The following ABCA13 variants were observed in gnomAD, a reference collection of about 807,000 sequenced individuals.
ABCA13 encodes the protein ATP-binding cassette sub-family A member 13.
In ABCA13, 476 loss-of-function variants were observed where a neutral mutation model predicts 478.7. The ratio of observed to expected loss-of-function variants is 0.99; its 90% CI spans 0.92 to 1.07. The LOEUF (loss-of-function observed/expected upper bound fraction) is 1.07, where lower values mean the gene tolerates loss of function less well. Among genes scored for constraint, ABCA13 ranks in the 50% least tolerant of loss-of-function variants. The pLI, the probability that ABCA13 is intolerant of heterozygous loss-of-function variation, is 0.00. For missense variants in ABCA13, 6,060 were observed against 5,910.6 expected (o/e 1.03, Z -0.83); for synonymous variants, 2,252 against 2,158.9 (o/e 1.04, Z -1.20).
chr7:48,590,338 A>C (rs1157364946), intron 57 of ABCA13, among the ~76,000 whole-genome samples: 5 of 152,122 alleles, frequency 3.3e-5, no homozygotes, highest in African/African-American at 1.2e-4. Flanking sequence ...AGGGAGAGAG[A>C]GAGAAAGAGA....
intron 51 of ABCA13, among the ~76,000 whole-genome samples, chr7:48,511,873 A>C (rs1831715346): frequency 6.6e-6 from 1 of 152,208 alleles, no homozygotes; most frequent in South Asian, 2.1e-4. Context: ...GCTATTTTAA[A>C]AGATAAAACA....
At chr7:48,412,623 T>G in intron 41 of ABCA13, 40 bp downstream of exon 41, 1 of 1,498,442 alleles carries the variant, frequency 6.7e-7, no homozygotes. Context: ...TATTTATGCC[T>G]TTTTGACCAG....
intron 48 of ABCA13, among the ~76,000 whole-genome samples, 153 bp from the exon 49 acceptor site, chr7:48,506,183 A>G (rs1831190305): frequency 6.6e-6 from 1 of 152,202 alleles, no homozygotes; most frequent in Non-Finnish European, 1.5e-5. Context: ...TCACAATGGA[A>G]TTTGCCATTT....
intron 37 of ABCA13, among the ~76,000 whole-genome samples, chr7:48,391,314 A>G (rs1371263376): frequency 1.3e-5 from 2 of 152,234 alleles, no homozygotes; most frequent in Non-Finnish European, 2.9e-5. Context: ...TTAAAGTCCC[A>G]TACAACTATA....
At chr7:48,375,547 A>G (rs1403956642) in intron 34 of ABCA13, among the ~76,000 whole-genome samples, 2 of 152,204 alleles carry the variant, frequency 1.3e-5, no homozygotes, top group African/African-American at 4.8e-5. Flanking sequence ...GCTTATATTG[A>G]GAATTTGACA....
intron 27 of ABCA13, among the ~76,000 whole-genome samples, chr7:48,332,956 C>T (rs891784085): frequency 3.3e-5 from 5 of 152,152 alleles, no homozygotes; most frequent in African/African-American, 1.2e-4. Context: ...TGCTAAGCTT[C>T]CTGAGTCTGT....
At chr7:48,177,637 C>T (rs766180906) in intron 1 of ABCA13, among the ~76,000 whole-genome samples, 3 of 152,190 alleles carry the variant, frequency 2.0e-5, no homozygotes, top group Admixed American at 2.0e-4. Context: ...ACATTTCTTG[C>T]GATTAGGCCA....
chr7:48,320,097 A>C (rs1803217617), intron 27 of ABCA13, among the ~76,000 whole-genome samples: 2 of 152,204 alleles, frequency 1.3e-5, no homozygotes, highest in Non-Finnish European at 1.5e-5. Context: ...AGAGTGTTAA[A>C]AGGTAAACTT....
Position 48,273,813 on chromosome 7 carries a change from T to C in ABCA13, c.4147T>C (p.Ser1383Pro). 1 of 1,611,942 alleles carries C rather than the reference T, an allele frequency of 6.2e-7. No individual in the cohort carries two copies. Among genetic ancestry groups the C allele is most frequent in the African/African-American group, 1.3e-5 (1 of 75,034 alleles). ...TCTAGACACGTTAAATTCCACATTT[T>C]CCTCTGAGAACACAATTAGCAGTCT... ...RILDTLNSTF[S>P]SENTISSLKG... is the part of the protein sequence containing the mutation. The change falls in exon 17 of 62, where the codon TCC becomes CCC. Residue 1383 changes from serine (S) to proline (P), a missense_variant. Around this residue, in one of 3 missense-constraint regions of ABCA13, gnomAD observed 4,423 missense variants for 4,309.1 expected, o/e 1.03. Transcript: ENST00000435803.
intron 15 of ABCA13, among the ~76,000 whole-genome samples, chr7:48,260,190 C>T (rs1001506287): frequency 2.6e-5 from 4 of 152,004 alleles, no homozygotes; most frequent in Non-Finnish European, 5.9e-5. Context: ...GACAATCTGA[C>T]TTTTTGAGTT....
intron 16 of ABCA13, among the ~76,000 whole-genome samples, chr7:48,269,925 C>A (rs1004030344): frequency 6.6e-6 from 1 of 152,180 alleles, no homozygotes; most frequent in Non-Finnish European, 1.5e-5. Flanking sequence ...TGGGATGGAT[C>A]CTCTAGAGAA....
chr7:48,467,969 C>G (rs1374184348), intron 44 of ABCA13, among the ~76,000 whole-genome samples: 9 of 152,122 alleles, frequency 5.9e-5, no homozygotes, highest in Admixed American at 5.9e-4. Context: ...ATTTATTTAA[C>G]TAAAACTTCA....
At chr7:48,456,764 T>G (rs1489814125) in intron 43 of ABCA13, among the ~76,000 whole-genome samples, 2 of 152,158 alleles carry the variant, frequency 1.3e-5, no homozygotes, top group African/African-American at 4.8e-5. Flanking sequence ...CATTAATTTA[T>G]TTAGACAGTC....
At chr7:48,400,197 CTTA>C (rs941968288) in intron 38 of ABCA13, among the ~76,000 whole-genome samples, 3 of 152,164 alleles carry the variant, frequency 2.0e-5, no homozygotes, top group Admixed American at 6.5e-5. Flanking sequence ...TACCTATACT[CTTA>C]TTATAATTTC....
chr7:48,205,823 A>G (rs1784852461), intron 3 of ABCA13, among the ~76,000 whole-genome samples: 1 of 152,244 alleles, frequency 6.6e-6, no homozygotes, highest in South Asian at 2.1e-4. Flanking sequence ...AAAAAGTTAC[A>G]CTATGTTACT....
chr7:48,330,485 G>GTCCATCTA (rs1805161219), intron 27 of ABCA13, among the ~76,000 whole-genome samples: 1 of 134,856 alleles, frequency 7.4e-6, no homozygotes, highest in African/African-American at 2.8e-5. Flanking sequence ...CCATCCATCC[G>GTCCATCTA]TCCATCCATC....
rs369482210 is a variant in ABCA13 at position 48,630,936 on chromosome 7, G to T, written c.14838-12352G>T. ...TGATGAGTATTTTTTTCATATGTTT[G>T]TTGGCTGCTTATAGATCTTCTTTTG... On this transcript the variant is annotated intron_variant, in intron 59 of 61. Transcript: ENST00000435803. 2.4e-3 allele frequency among the ~76,000 whole-genome samples: 363 copies of T among 150,988 alleles called. 3 individuals carry two copies. Among genetic ancestry groups the T allele is most frequent in the African/African-American group, 8.6e-3 (355 of 41,078 alleles).
chr7:48,406,894 A>G (rs539266377), intron 39 of ABCA13, among the ~76,000 whole-genome samples: 1 of 151,752 alleles, frequency 6.6e-6, no homozygotes, highest in African/African-American at 2.4e-5. Flanking sequence ...AAATAAATAA[A>G]TAAAAATAAA....
intron 45 of ABCA13, among the ~76,000 whole-genome samples, chr7:48,473,834 A>G (rs1384571355): frequency 1.3e-5 from 2 of 152,150 alleles, no homozygotes; most frequent in Non-Finnish European, 2.9e-5. Context: ...GAGATTTTAG[A>G]AGCCTTGCTT....
Sources: gnomAD v4.1 joint callset for allele counts (sites outside exome capture counted in the v4.1 genomes callset) on GRCh38, gnomAD v4.1.1 for gene constraint, gnomAD v4.1.1 regional missense constraint, MANE v1.5 for transcripts, NCBI Gene and HGNC (gene_info 2026-07-23, HGNC 2026-07-21) for gene names.